OR1S1: variants seen among roughly 807,000 people sequenced by gnomAD.
The protein encoded by OR1S1 is olfactory receptor 1S1.
For synonymous variants in OR1S1, 156 were observed against 143.9 expected (o/e 1.08, Z -0.60); for missense variants, 411 against 367.5 (o/e 1.12, Z -0.97).
In OR1S1 at chr11:58,215,049, G is replaced by T. The variant is rs148202922; in HGVS notation, c.266G>T (p.Ser89Ile). 83 of 1,614,030 alleles carry T rather than the reference G, an allele frequency of 5.1e-5. No individual in the cohort carries two copies. The South Asian group carries it at 7.0e-4, about 14-fold the overall frequency. Reference sequence around the variant, plus strand: ...ATGCTGGTGAATATTCAAACCAAGAGTCAATCCATCTCTTATGAGAGCTGC... The same window carrying T: ...ATGCTGGTGAATATTCAAACCAAGATTCAATCCATCTCTTATGAGAGCTGC... Residue 89 changes from serine (S) to isoleucine (I), a missense_variant, in exon 2 of 2, where the codon AGT (serine) becomes ATT (isoleucine). Physicochemically the swap from Ser to Ile is moderately radical, Grantham distance 142 (BLOSUM62 -2). Coordinates refer to ENST00000641544, the Ensembl canonical transcript of OR1S1.
At position 58,215,551 on chromosome 11, in the gene OR1S1, A is replaced by G. The variant is rs146288553; in HGVS notation, c.768A>G (p.Val256=). The G allele has an allele frequency of 1.8e-5, 29 of 1,613,932 alleles. No individual in the cohort carries two copies. The African/African-American group carries it at 3.2e-4, about 18-fold the overall frequency. Reference sequence around the variant, plus strand: ...TATTACTGTTCTACGGAACCATTGTAGGCGTGTACTTTTTCCCCTCCTCCA... The same window carrying G: ...TATTACTGTTCTACGGAACCATTGTGGGCGTGTACTTTTTCCCCTCCTCCA... The change falls in exon 2 of 2, where the codon GTA becomes GTG. Residue 256 remains valine (V), a synonymous_variant. Coordinates refer to ENST00000641544, the Ensembl canonical transcript of OR1S1.
exon 2 of OR1S1, chr11:58,215,827 T>C (rs766647953): frequency 7.1e-7 from 1 of 1,409,084 alleles, no homozygotes; most frequent in Non-Finnish European, 9.6e-7. Flanking sequence ...AACTTGCAGG[T>C]ATCTGTCTCC....
chr11:58,215,168 C>A, exon 2 of OR1S1: 3 of 1,614,074 alleles, frequency 1.9e-6, no homozygotes, highest in Non-Finnish European at 2.5e-6. Flanking sequence ...GATCTGCCAC[C>A]CTCTGAATTA....
At chr11:58,215,964 G>T (rs1376731259) in exon 2 of OR1S1, 2 of 491,006 alleles carry the variant, frequency 4.1e-6, no homozygotes, top group Admixed American at 3.5e-5. Context: ...TGGTTACCAG[G>T]GCCCAGGGGT....
intron 1 of OR1S1, among the ~76,000 whole-genome samples, chr11:58,213,139 G>T (rs1854975944): frequency 6.6e-6 from 1 of 152,176 alleles, no homozygotes; most frequent in African/African-American, 2.4e-5. Context: ...GACGAAGATT[G>T]TCTCTTTTCT....
At chr11:58,215,614 A>T in exon 2 of OR1S1, 1 of 1,614,098 alleles carries the variant, frequency 6.2e-7, no homozygotes, top group Non-Finnish European at 8.5e-7. Flanking sequence ...GTGCTGTCCT[A>T]TTCACTGTGG....
chr11:58,214,974 C>T, exon 2 of OR1S1: 3 of 1,614,126 alleles, frequency 1.9e-6, no homozygotes, highest in Non-Finnish European at 2.5e-6. Flanking sequence ...CTCTTCCTTG[C>T]CAATCTATCC....
exon 2 of OR1S1, chr11:58,215,861 G>GAAT: frequency 2.7e-6 from 3 of 1,092,080 alleles, no homozygotes; most frequent in African/African-American, 1.6e-5. Context: ...GAAGGGGTTG[G>GAAT]AGCTTTTCCA....
intron 1 of OR1S1, among the ~76,000 whole-genome samples, chr11:58,214,260 G>A (rs887917621): frequency 3.9e-5 from 6 of 152,182 alleles, no homozygotes; most frequent in African/African-American, 9.7e-5. Context: ...CTCCCCCGGC[G>A]TTAGTGGGAT....
intron 1 of OR1S1, among the ~76,000 whole-genome samples, chr11:58,214,077 C>T (rs1212609656): frequency 6.6e-6 from 1 of 152,212 alleles, no homozygotes; most frequent in Non-Finnish European, 1.5e-5. Flanking sequence ...CTCTTTACCC[C>T]TGCCATCGTA....
exon 2 of OR1S1, chr11:58,216,044 A>G (rs1235586936): frequency 1.1e-5 from 3 of 262,970 alleles, no homozygotes; most frequent in Non-Finnish European, 2.2e-5. Context: ...AGAAGAAATA[A>G]GACCTATTGT....
chr11:58,214,962 A>T, exon 2 of OR1S1: 1 of 1,614,056 alleles, frequency 6.2e-7, no homozygotes, highest in Non-Finnish European at 8.5e-7. Flanking sequence ...ACCCCCATGT[A>T]TCTCTTCCTT....
At chr11:58,215,068 G>A (rs1276635211) in exon 2 of OR1S1, 2 of 1,614,072 alleles carry the variant, frequency 1.2e-6, no homozygotes, top group African/African-American at 1.3e-5. Flanking sequence ...TCTCTTATGA[G>A]AGCTGCATCA....
exon 2 of OR1S1, chr11:58,214,761 C>T (rs781360014): frequency 5.6e-6 from 9 of 1,613,514 alleles, no homozygotes; most frequent in African/African-American, 5.3e-5. Flanking sequence ...ACTTTTAGTT[C>T]CTTTCTTCAG....
exon 2 of OR1S1, chr11:58,215,717 C>T (rs1565108954): frequency 3.1e-6 from 5 of 1,610,722 alleles, no homozygotes; most frequent in Admixed American, 1.7e-5. Context: ...AATTTCTTCC[C>T]TTTGATGCCC....
exon 2 of OR1S1, chr11:58,214,952 ACCC>A (rs761074067): frequency 1.3e-5 from 21 of 1,613,386 alleles, no homozygotes; most frequent in Non-Finnish European, 1.4e-5. Context: ...GTACCTTCAT[ACCC>A]CCATGTATCT....
At chr11:58,216,005 G>T (rs1483018349) in exon 2 of OR1S1, 4 of 402,126 alleles carry the variant, frequency 9.9e-6, no homozygotes, top group South Asian at 4.4e-5. Context: ...ATGAGTTGTT[G>T]ATTAATGGGT....
intron 1 of OR1S1, among the ~76,000 whole-genome samples, chr11:58,214,150 C>T (rs1201529269): frequency 2.6e-5 from 4 of 152,128 alleles, no homozygotes; most frequent in East Asian, 3.8e-4. Context: ...TGTATGTGTG[C>T]CCCCTAAATT....
At chr11:58,215,112 T>C (rs1966835) in exon 2 of OR1S1, 724,914 of 1,613,722 alleles carry the variant, frequency 0.45, 168,734 homozygotes, top group East Asian at 0.77. Flanking sequence ...TTTGTCGTCA[T>C]TGACAATTTG....
Sources: gnomAD v4.1 joint callset for allele counts (sites outside exome capture counted in the v4.1 genomes callset) on GRCh38, gnomAD v4.1.1 for gene constraint, MANE v1.5 for transcripts, NCBI Gene and HGNC (gene_info 2026-07-23, HGNC 2026-07-21) for gene names.